Variants in MDM2 observed in about 807,000 individuals in gnomAD.
MDM2 encodes the protein E3 ubiquitin-protein ligase Mdm2.
In MDM2, 11 loss-of-function variants were observed where a neutral mutation model predicts 64.3. The observed-to-expected ratio is 0.17, with a 90% CI of 0.11 to 0.28. The LOEUF is 0.28. Among genes scored for constraint, MDM2 ranks in the 10% least tolerant of loss-of-function variants. The probability of loss-of-function intolerance (pLI) is 1.00; values close to 1 mark genes in which losing one functional copy is unlikely to be tolerated. For synonymous variants in MDM2, 194 were observed against 192.9 expected, an observed-to-expected ratio of 1.01 and a Z score of -0.05; for missense variants, 388 against 577.1, an observed-to-expected ratio of 0.67 and a Z score of 3.36.
intron 2 of MDM2, among the ~76,000 whole-genome samples, chr12:68,812,610 T>A (rs965886051): frequency 5.3e-5 from 8 of 152,200 alleles, no homozygotes; most frequent in Non-Finnish European, 4.4e-5. Flanking sequence ...CTGTTTTTGT[T>A]TTAGTTTTTA....
intron 6 of MDM2, 31 bp downstream of exon 6, chr12:68,824,461 A>T: frequency 6.2e-7 from 1 of 1,603,262 alleles, no homozygotes; most frequent in Non-Finnish European, 8.5e-7. Flanking sequence ...ATTCTAATGT[A>T]ATATTATTTG....
rs1883769014 is a variant in MDM2, at chr12:68,841,562, A to C, written c.*1713A>C. The C allele has an allele frequency of 4.8e-6, 1 of 209,928 alleles. No homozygotes were observed. Among genetic ancestry groups the C allele is most frequent in the East Asian group, 7.2e-5 (1 of 13,836 alleles). The allele number at this position is 209,928 out of a possible 1,614,324, so 13.0% of individuals were successfully genotyped here. A position where few individuals can be genotyped will look rare whatever the true frequency, so the allele number is the denominator to read the frequency against. On this transcript the variant is annotated 3_prime_UTR_variant, in exon 11 of 11. Transcript: ENST00000258149. ...TACATCAGGCCCTTTTTCACACACA[A>C]AAAAATCCTTTATGGGATTTAATGG...
chr12:68,834,278 C>T (rs2136164755), intron 8 of MDM2, among the ~76,000 whole-genome samples: 1 of 152,222 alleles, frequency 6.6e-6, no homozygotes, highest in Admixed American at 6.5e-5. Context: ...CCCGTCTCCA[C>T]TAAAAACATA....
intron 7 of MDM2, among the ~76,000 whole-genome samples, chr12:68,825,222 T>G (rs944374982): frequency 6.6e-6 from 1 of 151,936 alleles, no homozygotes; most frequent in African/African-American, 2.4e-5. Flanking sequence ...AGAAAGATAA[T>G]AGGAGACAGG....
rs1882148205 is a variant in MDM2 at position 68,824,620 on chromosome 12, C to G, written c.492C>G (p.Thr164=). 1 of 1,611,886 alleles carries G rather than the reference C, an allele frequency of 6.2e-7. No homozygotes were observed. The highest frequency in any genetic ancestry group is 1.3e-5 in the African/African-American group (1 of 74,854). ...CACATTTGGTTTCTAGACCATCTAC[C>G]TCATCTAGAAGGAGAGCAATTAGTG... ...SSSHLVSRPS[T]SSRRRAISET... is the part of the protein sequence containing the mutation. Residue 164 remains threonine, a synonymous_variant, in exon 7 of 11, where the codon ACC becomes ACG. Coordinates refer to ENST00000258149, the MANE Select transcript of MDM2 (RefSeq NM_002392.6).
chr12:68,836,136 A>T lies in MDM2; in HGVS notation c.840+152A>T, dbSNP rs1048703415. 4 of 658,542 alleles carry T rather than the reference A, an allele frequency of 6.1e-6. No individual in the cohort carries two copies. In the East Asian group the frequency reaches 1.2e-4, roughly 19 times the overall value. 40.8% of individuals were successfully genotyped at this position (658,542 alleles called of 1,614,324 possible). A position where few individuals can be genotyped will look rare whatever the true frequency, so the allele number is the denominator to read the frequency against. On this transcript the variant is annotated intron_variant, in intron 9 of 10. Coordinates refer to ENST00000258149, the MANE Select transcript of MDM2 (RefSeq NM_002392.6). ...ACTAACACATTGGTTTGTGGACTTGAGGATTTCATAGTTCTTTATCATCTG... is the reference window on the plus strand; with the variant it reads ...ACTAACACATTGGTTTGTGGACTTGTGGATTTCATAGTTCTTTATCATCTG...
Position 68,813,590 on chromosome 12 carries a change from T to G in MDM2, c.136T>G (p.Ser46Ala). 2 of 1,613,696 alleles carry G rather than the reference T, an allele frequency of 1.2e-6. No individual in the cohort carries two copies. Among genetic ancestry groups the G allele is most frequent in the Non-Finnish European group, 1.7e-6 (2 of 1,179,790 alleles). Residue 46 changes from serine (S) to alanine (A), a missense_variant, in exon 3 of 11, where the codon TCT becomes GCT. Transcript: ENST00000258149. ...PKPLLLKLLK[S>A]VGAQKDTYTM... is the part of the protein sequence containing the mutation. The stretch of plus-strand genomic sequence containing the variant: ...GCCATTGCTTTTGAAGTTATTAAAG[T>G]CTGTTGGTGCACAAAAAGACACTTA...
At chr12:68,814,570 C>G in intron 3 of MDM2, 1 of 360,032 alleles carries the variant, frequency 2.8e-6, no homozygotes, top group Non-Finnish European at 5.4e-6. Flanking sequence ...TTTTTCCCAT[C>G]CAAATTAATG....
chr12:68,808,832 C>T (rs1185522075), intron 1 of MDM2: 2 of 824,666 alleles, frequency 2.4e-6, no homozygotes, highest in Non-Finnish European at 2.9e-6. Context: ...TCGCAGGTGC[C>T]TGTCGGGTCA....
At position 68,841,963 on chromosome 12, in the gene MDM2, C is replaced by A. The variant is rs1257974061; in HGVS notation, c.*2114C>A. ...TTTCTTTGGGACCCATCTACCCTGA[C>A]CACATCATGATGTTCATCTGCAGCT... On this transcript the variant is annotated 3_prime_UTR_variant, in exon 11 of 11. Coordinates refer to ENST00000258149, the MANE Select transcript of MDM2 (RefSeq NM_002392.6). 6 of 381,236 alleles carry A rather than the reference C, an allele frequency of 1.6e-5. No individual in the cohort carries two copies. Among genetic ancestry groups the A allele is most frequent in the Non-Finnish European group, 2.0e-5 (4 of 198,436 alleles). The allele number at this position is 381,236 out of a possible 1,614,324, so 23.6% of individuals were successfully genotyped here.
intron 4 of MDM2, among the ~76,000 whole-genome samples, chr12:68,817,362 A>G (rs1373519436): frequency 2.0e-5 from 3 of 152,186 alleles, no homozygotes; most frequent in African/African-American, 7.2e-5. Context: ...CCACGTGGTA[A>G]AGGCTTACAT....
intron 7 of MDM2, among the ~76,000 whole-genome samples, chr12:68,825,726 G>A (rs1882262869): frequency 6.6e-6 from 1 of 152,216 alleles, no homozygotes; most frequent in South Asian, 2.1e-4. Flanking sequence ...TAGACGAGAA[G>A]GCTGTTGCCT....
chr12:68,834,698 C>T (rs754577228), intron 8 of MDM2, among the ~76,000 whole-genome samples: 3 of 152,184 alleles, frequency 2.0e-5, no homozygotes, highest in African/African-American at 4.8e-5. Flanking sequence ...GATCAGGCCA[C>T]TGCACTCCAG....
chr12:68,834,066 T>G (rs536862468), intron 8 of MDM2, among the ~76,000 whole-genome samples: 8 of 149,806 alleles, frequency 5.3e-5, no homozygotes, highest in Non-Finnish European at 1.2e-4. Context: ...TATACTTTGT[T>G]TCTGTTTTTA....
intron 3 of MDM2, chr12:68,814,506 G>A (rs545696973): frequency 1.9e-4 from 50 of 268,768 alleles, no homozygotes; most frequent in South Asian, 1.6e-3. Context: ...ATTTATAATC[G>A]AAGGAAAAGC....
chr12:68,824,134 G>T, intron 5 of MDM2: 2 of 474,928 alleles, frequency 4.2e-6, no homozygotes, highest in Admixed American at 3.9e-5. Context: ...TTATCTAACA[G>T]TCTTTTAATG....
chr12:68,815,565 T>G (rs776673832), intron 3 of MDM2: 33 of 301,172 alleles, frequency 1.1e-4, no homozygotes, highest in Non-Finnish European at 2.1e-4. Flanking sequence ...CCTCAGTGTC[T>G]GCAGTAGCTA....
chr12:68,812,754 CCTTT>C (rs1257647040), intron 2 of MDM2, among the ~76,000 whole-genome samples: 1 of 152,190 alleles, frequency 6.6e-6, no homozygotes, highest in African/African-American at 2.4e-5. Context: ...CAGCCAGCTG[CCTTT>C]CTTTCTGTAA....
In MDM2 at chr12:68,843,684, A is replaced by G. The variant is rs1884004902; in HGVS notation, c.*3835A>G. On this transcript the variant is annotated 3_prime_UTR_variant, in exon 11 of 11. Coordinates refer to ENST00000258149, the MANE Select transcript of MDM2 (RefSeq NM_002392.6). ...TGCACAGCAACTTTACTAATGGTAC[A>G]TTGTTGCTTCAAAACTCTCTCTCTC... 4.7e-6 allele frequency: 1 copy of G among 212,748 alleles called. No individual in the cohort carries two copies. The highest frequency in any genetic ancestry group is 9.1e-6 in the Non-Finnish European group (1 of 110,402). 13.2% of individuals were successfully genotyped at this position (212,748 alleles called of 1,614,324 possible).
Sources: allele counts gnomAD v4.1 joint callset (sites outside exome capture counted in the v4.1 genomes callset), GRCh38; gene constraint gnomAD v4.1.1; transcripts MANE v1.5; gene names NCBI Gene and HGNC (gene_info 2026-07-23, HGNC 2026-07-21).